Variants in MEIS2 observed in about 807,000 individuals in gnomAD.
The protein encoded by MEIS2 is Meis homeobox 2.
Under a neutral mutation model 58.6 loss-of-function variants are expected in MEIS2, and 9 were observed. The observed-to-expected ratio is 0.15, with a 90% CI of 0.09 to 0.27. MEIS2 has a LOEUF of 0.27. Among genes scored for constraint, MEIS2 ranks in the 10% least tolerant of loss-of-function variants. MEIS2 has a pLI of 1.00. For synonymous variants in MEIS2, 221 were observed against 228.4 expected, an observed-to-expected ratio of 0.97 and a Z score of 0.29; for missense variants, 427 against 635.0, an observed-to-expected ratio of 0.67 and a Z score of 3.52.
intron 9 of MEIS2, among the ~76,000 whole-genome samples, chr15:36,908,418 G>A (rs182007840): frequency 1.4e-4 from 22 of 152,112 alleles, no homozygotes; most frequent in African/African-American, 4.3e-4. Context: ...TTTTCCCCCC[G>A]ATTTGTGAGA....
At chr15:37,098,351 G>A in intron 1 of MEIS2, 152 bp from the exon 2 acceptor site, 2 of 1,180,160 alleles carry the variant, frequency 1.7e-6, no homozygotes, top group Non-Finnish European at 2.1e-6. Context: ...AGAGAGAAGA[G>A]AGGAGGAGGA....
At chr15:36,928,884 C>T (rs188002095) in intron 9 of MEIS2, among the ~76,000 whole-genome samples, 5 of 152,012 alleles carry the variant, frequency 3.3e-5, no homozygotes, top group South Asian at 2.1e-4. Context: ...AACCCTCATA[C>T]GCTCTTGGAA....
At chr15:37,098,983 C>T (rs1436662903) in intron 1 of MEIS2, 2 of 984,396 alleles carry the variant, frequency 2.0e-6, no homozygotes, top group Non-Finnish European at 1.2e-6. Context: ...GTAGTCTAGG[C>T]GGCGGCGCAG....
chr15:36,999,626 C>T (rs2060649953), intron 8 of MEIS2, among the ~76,000 whole-genome samples: 1 of 151,822 alleles, frequency 6.6e-6, no homozygotes, highest in African/African-American at 2.4e-5. Flanking sequence ...AGCTGCATGA[C>T]AAGTATCTCC....
intron 8 of MEIS2, among the ~76,000 whole-genome samples, chr15:36,985,272 C>T (rs2060057561): frequency 2.0e-5 from 3 of 152,128 alleles, no homozygotes; most frequent in Non-Finnish European, 4.4e-5. Flanking sequence ...TCTTCCATCA[C>T]GTTCTGATTT....
chr15:36,986,512 C>T (rs928314672), intron 8 of MEIS2, among the ~76,000 whole-genome samples: 3 of 152,218 alleles, frequency 2.0e-5, no homozygotes, highest in Non-Finnish European at 2.9e-5. Context: ...CAGTTGGTTC[C>T]GGCTTCCAGC....
chr15:36,930,891 A>G (rs1161996349), intron 9 of MEIS2, among the ~76,000 whole-genome samples: 4 of 152,208 alleles, frequency 2.6e-5, no homozygotes, highest in Non-Finnish European at 5.9e-5. Context: ...ATTGTTTTTA[A>G]TTACCCAGTT....
At chr15:36,904,963 A>G (rs76208498) in intron 9 of MEIS2, among the ~76,000 whole-genome samples, 4,627 of 152,294 alleles carry the variant, frequency 0.03, 130 homozygotes, top group Middle Eastern at 0.051. Context: ...ACCAAGTGGG[A>G]CATGCAATAA....
intron 7 of MEIS2, among the ~76,000 whole-genome samples, chr15:37,056,278 A>G (rs1475670937): frequency 2.2e-4 from 34 of 152,322 alleles, no homozygotes. Flanking sequence ...AGATTTTCAG[A>G]AGTTAATGAG....
At chr15:37,088,378 T>C (rs1247904669) in intron 6 of MEIS2, among the ~76,000 whole-genome samples, 2 of 152,186 alleles carry the variant, frequency 1.3e-5, no homozygotes, top group African/African-American at 2.4e-5. Flanking sequence ...AGGGAAGATA[T>C]ACTTGTATCA....
At chr15:37,056,292 T>C (rs1301289581) in intron 7 of MEIS2, among the ~76,000 whole-genome samples, 1 of 152,172 alleles carries the variant, frequency 6.6e-6, no homozygotes, top group African/African-American at 2.4e-5. Context: ...TAATGAGACA[T>C]TTCCAGGAAT....
At chr15:36,951,937 T>C (rs1464349810) in intron 8 of MEIS2, among the ~76,000 whole-genome samples, 1 of 151,944 alleles carries the variant, frequency 6.6e-6, no homozygotes, top group African/African-American at 2.4e-5. Flanking sequence ...GCAAGAAAAA[T>C]GAACAGGATA....
At chr15:36,993,881 T>C (rs969525703) in intron 8 of MEIS2, among the ~76,000 whole-genome samples, 1 of 152,088 alleles carries the variant, frequency 6.6e-6, no homozygotes, top group Non-Finnish European at 1.5e-5. Flanking sequence ...TGTAGACATT[T>C]TTACGAACAA....
chr15:36,982,586 C>A (rs1371351548), intron 8 of MEIS2, among the ~76,000 whole-genome samples: 1 of 152,086 alleles, frequency 6.6e-6, no homozygotes, highest in Non-Finnish European at 1.5e-5. Flanking sequence ...ACATCTTGGC[C>A]ATTGTGAATA....
At chr15:36,912,479 A>T (rs971080257) in intron 9 of MEIS2, among the ~76,000 whole-genome samples, 1 of 152,210 alleles carries the variant, frequency 6.6e-6, no homozygotes, top group Non-Finnish European at 1.5e-5. Flanking sequence ...ACACTTTCAC[A>T]TAATGGCAGT....
rs1344983606 is a variant in MEIS2 at position 37,083,751 on chromosome 15, GA to G, written c.754+19del. The stretch of plus-strand genomic sequence containing the variant: ...TTTAGTCATGCCTACTTTGCACGAG[GA>G]AAATGTTTGACCTTTTACCTTGCTC... On this transcript the variant is annotated intron_variant, in intron 7 of 11. Transcript: ENST00000561208. 10 of 1,601,056 alleles carry G rather than the reference GA, an allele frequency of 6.2e-6. No individual in the cohort carries two copies. In the Middle Eastern group the frequency reaches 1.7e-3, roughly 267 times the overall value.
intron 8 of MEIS2, among the ~76,000 whole-genome samples, chr15:36,962,449 A>T (rs926809809): frequency 6.6e-6 from 1 of 152,206 alleles, no homozygotes; most frequent in African/African-American, 2.4e-5. Context: ...ATCCTCCTGT[A>T]TACTTTAAAT....
At chr15:37,042,515 C>T (rs557557594) in intron 7 of MEIS2, among the ~76,000 whole-genome samples, 1 of 152,334 alleles carries the variant, frequency 6.6e-6, no homozygotes, top group South Asian at 2.1e-4. Flanking sequence ...CCAGGCATGG[C>T]AACTTCAAGT....
intron 7 of MEIS2, among the ~76,000 whole-genome samples, chr15:37,039,715 C>T (rs1279512555): frequency 6.6e-6 from 1 of 151,846 alleles, no homozygotes; most frequent in Non-Finnish European, 1.5e-5. Context: ...TAAAGCAACC[C>T]GTTGTATATA....
Sources: allele counts gnomAD v4.1 joint callset (sites outside exome capture counted in the v4.1 genomes callset), GRCh38; gene constraint gnomAD v4.1.1; transcripts MANE v1.5; gene names NCBI Gene and HGNC (gene_info 2026-07-23, HGNC 2026-07-21).